Variants in PFKFB3 observed in about 807,000 individuals in gnomAD.
The protein encoded by PFKFB3 is 6-phosphofructo-2-kinase/fructose-2,6-biphosphatase 3.
In PFKFB3, 33 loss-of-function variants were observed where a neutral mutation model predicts 68.0. The ratio of observed to expected loss-of-function variants is 0.49; its 90% CI spans 0.37 to 0.65. PFKFB3 has a LOEUF of 0.65. Ranked by LOEUF, PFKFB3 falls within the 30% of genes least tolerant of loss-of-function variation. The pLI is 0.00. For synonymous variants in PFKFB3, 315 were observed against 288.2 expected, an observed-to-expected ratio of 1.09 and a Z score of -0.94; for missense variants, 586 against 712.2, an observed-to-expected ratio of 0.82 and a Z score of 2.02.
intron 1 of PFKFB3, among the ~76,000 whole-genome samples, chr10:6,182,341 G>C (rs1842737013): frequency 6.6e-6 from 1 of 152,194 alleles, no homozygotes; most frequent in Non-Finnish European, 1.5e-5. Context: ...GAGGGTCTGA[G>C]CTGGGAGACC....
At chr10:6,145,061 C>T in intron 1 of PFKFB3, 1 of 1,295,706 alleles carries the variant, frequency 7.7e-7, no homozygotes. Context: ...GCGCGGGGAC[C>T]TGAGCGGCCG....
chr10:6,178,943 A>G (rs1842619599), intron 1 of PFKFB3, among the ~76,000 whole-genome samples: 3 of 152,218 alleles, frequency 2.0e-5, no homozygotes, highest in Admixed American at 2.0e-4. Context: ...CCACCTCCCC[A>G]GCACGGGGTC....
intron 1 of PFKFB3, among the ~76,000 whole-genome samples, chr10:6,159,365 A>G (rs1459958668): frequency 2.6e-5 from 4 of 151,900 alleles, no homozygotes; most frequent in Non-Finnish European, 5.9e-5. Flanking sequence ...ACTGCACTCC[A>G]ACCTGGGTAA....
rs1845938840 is a variant in PFKFB3 at position 6,234,822 on chromosome 10, C to T, written c.*1880C>T. On this transcript the variant is annotated 3_prime_UTR_variant, in exon 15 of 15. Coordinates refer to ENST00000379775, the MANE Select transcript of PFKFB3 (RefSeq NM_004566.4). ...CAGATAGGGGCTTGATAGCTGTGGT[C>T]CCCTCTCCCCTCTGACTACCTAAAA... 1 of 152,246 alleles carries T rather than the reference C, an allele frequency of 6.6e-6. No individual in the cohort carries two copies. Among genetic ancestry groups the T allele is most frequent in the Non-Finnish European group, 1.5e-5 (1 of 68,038 alleles). 9.4% of individuals were successfully genotyped at this position (152,246 alleles called of 1,614,324 possible). A position where few individuals can be genotyped will look rare whatever the true frequency, so the allele number is the denominator to read the frequency against.
rs74114553 is a variant in PFKFB3, at chr10:6,192,450, G to A, written c.17-21173G>A. Reference sequence around the variant, plus strand: ...AGAAGGAAGAAATATGAGGGGAACAGAGCAGGGAGAGGTGCCAGCTGTGGC... The same window carrying A: ...AGAAGGAAGAAATATGAGGGGAACAAAGCAGGGAGAGGTGCCAGCTGTGGC... On this transcript the variant is annotated intron_variant, in intron 1 of 14. Transcript: ENST00000379789. 4.6e-3 allele frequency among the ~76,000 whole-genome samples: 683 copies of A among 148,560 alleles called. 4 individuals carry two copies. The highest frequency in any genetic ancestry group is 0.016 in the African/African-American group (621 of 40,056).
At chr10:6,164,618 C>T (rs533661125) in intron 1 of PFKFB3, among the ~76,000 whole-genome samples, 1 of 151,806 alleles carries the variant, frequency 6.6e-6, no homozygotes, top group Admixed American at 6.7e-5. Context: ...GAAGGACCCG[C>T]ACTGGTGGCC....
intron 1 of PFKFB3, among the ~76,000 whole-genome samples, chr10:6,197,229 G>A (rs1347054031): frequency 1.3e-5 from 2 of 151,978 alleles, no homozygotes; most frequent in Non-Finnish European, 2.9e-5. Flanking sequence ...CACCCACCTC[G>A]GCTTCTCAAA....
chr10:6,325,227 G>C, the PFKFB3 span, among the ~76,000 whole-genome samples: 1 of 152,214 alleles, frequency 6.6e-6, no homozygotes, highest in Non-Finnish European at 1.5e-5. Context: ...GCCTCCCAAA[G>C]TGCTGAGATT....
chr10:6,189,350 A>G (rs1342081663), intron 1 of PFKFB3, among the ~76,000 whole-genome samples: 2 of 152,204 alleles, frequency 1.3e-5, no homozygotes, highest in African/African-American at 4.8e-5. Context: ...CTTAGTTTTT[A>G]GAAAATAAGG....
At chr10:6,189,592 A>ACAACCAC (rs1842971959) in intron 1 of PFKFB3, among the ~76,000 whole-genome samples, 1 of 146,826 alleles carries the variant, frequency 6.8e-6, no homozygotes, top group Non-Finnish European at 1.5e-5. Flanking sequence ...TCTGCTCACT[A>ACAACCAC]CAACCACCAC....
At chr10:6,282,122 A>G in the PFKFB3 span, among the ~76,000 whole-genome samples, 4 of 152,026 alleles carry the variant, frequency 2.6e-5, no homozygotes, top group African/African-American at 9.7e-5. Context: ...GGCACACACC[A>G]CCATGCCCGG....
chr10:6,168,511 C>G (rs1363918266), intron 1 of PFKFB3, among the ~76,000 whole-genome samples: 1 of 152,184 alleles, frequency 6.6e-6, no homozygotes. Context: ...CAGCTAAGCA[C>G]AAAAGGCTTC....
At chr10:6,175,806 A>C (rs1191119222) in intron 1 of PFKFB3, among the ~76,000 whole-genome samples, 1 of 152,256 alleles carries the variant, frequency 6.6e-6, no homozygotes, top group African/African-American at 2.4e-5. Flanking sequence ...AGCCACGGTG[A>C]GATACTACTC....
chr10:6,271,220 G>A, the PFKFB3 span, among the ~76,000 whole-genome samples: 2 of 152,222 alleles, frequency 1.3e-5, no homozygotes, highest in African/African-American at 4.8e-5. Context: ...AAGTAGCCAA[G>A]CTCCTGTGCA....
intron 1 of PFKFB3, among the ~76,000 whole-genome samples, chr10:6,205,966 TAA>T (rs941775083): frequency 2.9e-5 from 2 of 69,652 alleles, no homozygotes; most frequent in African/African-American, 4.1e-5. Context: ...CCCGGCTAAT[TAA>T]AAAAAATTTT....
chr10:6,277,627 G>A, the PFKFB3 span: 3,227 of 230,824 alleles, frequency 0.014, 130 homozygotes, highest in African/African-American at 0.07. Context: ...CCCTGCCCCC[G>A]CACCTCCCTC....
rs748168563 is a variant in PFKFB3 at position 6,177,484 on chromosome 10, C to CTTTCTTTCTTTCTTTCTTTCT, written c.16+32474_16+32475insCTTTCTTTCTTTCTTTCTTTT. 1.2e-4 allele frequency among the ~76,000 whole-genome samples: 13 copies of CTTTCTTTCTTTCTTTCTTTCT among 109,594 alleles called. 1 individual carries two copies. The East Asian group carries it at 1.4e-3, about 12-fold the overall frequency. 71.9% of individuals were successfully genotyped at this position (109,594 alleles called of 152,430 possible). Reference sequence around the variant, plus strand: ...TCTTTCTTTCTTTCTTTCTTTCTTTCTTTTTCTTTTCTTTCTCTCTCTCGC... The same window carrying CTTTCTTTCTTTCTTTCTTTCT: ...TCTTTCTTTCTTTCTTTCTTTCTTTCTTTCTTTCTTTCTTTCTTTCTTTTTTCTTTTCTTTCTCTCTCTCGC... On this transcript the variant is annotated intron_variant, in intron 1 of 14. Transcript: ENST00000379789.
the PFKFB3 span, among the ~76,000 whole-genome samples, chr10:6,281,956 A>ATTTT: frequency 7.0e-6 from 1 of 143,004 alleles, no homozygotes; most frequent in South Asian, 2.2e-4. Flanking sequence ...CAGAGCATGA[A>ATTTT]TTTTTTTTTT....
chr10:6,177,393 T>TTTCTTTTCTTTCTTTCTTTCTTTC, intron 1 of PFKFB3, among the ~76,000 whole-genome samples: 1 of 141,810 alleles, frequency 7.1e-6, no homozygotes, highest in African/African-American at 2.6e-5. Context: ...TCTTTCTTTC[T>TTTCTTTTCTTTCTTTCTTTCTTTC]TTCTTTCTTT....
Sources: allele counts gnomAD v4.1 joint callset (sites outside exome capture counted in the v4.1 genomes callset), GRCh38; gene constraint gnomAD v4.1.1; transcripts MANE v1.5; gene names NCBI Gene and HGNC (gene_info 2026-07-23, HGNC 2026-07-21).